RALA: variants seen among roughly 807,000 people sequenced by gnomAD.
The protein encoded by RALA is ras-related protein Ral-A.
In RALA, 5 loss-of-function variants were observed where a neutral mutation model predicts 24.0. That is an observed-to-expected ratio of 0.21 (90% CI 0.11 to 0.44). The LOEUF is 0.44. Ranked by LOEUF, RALA falls within the 20% of genes least tolerant of loss-of-function variation. The pLI is 0.99. For synonymous variants in RALA, 77 were observed against 83.8 expected (o/e 0.92, Z 0.44); for missense variants, 95 against 241.2 (o/e 0.39, Z 4.01).
chr7:39,656,153 A>G (rs1792092830), intron 1 of RALA, among the ~76,000 whole-genome samples: 3 of 152,216 alleles, frequency 2.0e-5, no homozygotes, highest in Admixed American at 6.5e-5. Context: ...CAAGCCTTGT[A>G]CATTATAGTT....
At chr7:39,646,336 T>C (rs1791922243) in intron 1 of RALA, among the ~76,000 whole-genome samples, 1 of 151,926 alleles carries the variant, frequency 6.6e-6, no homozygotes, top group Admixed American at 6.6e-5. Flanking sequence ...AAGCCCACTT[T>C]TAAATTAGAT....
intron 1 of RALA, among the ~76,000 whole-genome samples, chr7:39,635,183 A>G (rs1185134490): frequency 6.6e-6 from 1 of 152,140 alleles, no homozygotes; most frequent in African/African-American, 2.4e-5. Context: ...AAAAATAGAA[A>G]AAAATTAGCC....
intron 4 of RALA, among the ~76,000 whole-genome samples, chr7:39,697,723 C>T (rs926405476): frequency 6.6e-6 from 1 of 152,072 alleles, no homozygotes; most frequent in African/African-American, 2.4e-5. Context: ...GCTGCATGTG[C>T]TTGTAGATTT....
At chr7:39,651,447 C>G (rs1792017084) in intron 1 of RALA, among the ~76,000 whole-genome samples, 1 of 152,214 alleles carries the variant, frequency 6.6e-6, no homozygotes. Context: ...CACACTGATC[C>G]ACTTGAGTGT....
intron 1 of RALA, among the ~76,000 whole-genome samples, chr7:39,627,534 G>T (rs1791514323): frequency 6.6e-6 from 1 of 152,144 alleles, no homozygotes; most frequent in Non-Finnish European, 1.5e-5. Flanking sequence ...TGTTATTTTG[G>T]ACAATAAGAC....
chr7:39,629,318 G>A (rs1214547679), intron 1 of RALA, among the ~76,000 whole-genome samples: 3 of 152,146 alleles, frequency 2.0e-5, no homozygotes, highest in African/African-American at 7.2e-5. Flanking sequence ...TTTTCCATTT[G>A]TACTTCTATT....
rs150215514 is a variant in RALA at position 39,682,008 on chromosome 7, C to G, written c.-37-4623C>G. 2.4e-3 allele frequency among the ~76,000 whole-genome samples: 370 copies of G among 152,316 alleles called. 2 individuals are homozygous for G. Among genetic ancestry groups the G allele is most frequent in the African/African-American group, 8.7e-3 (360 of 41,584 alleles). ...CCAGTCAATCAGGAAGTCCTATCAA[C>G]TGTTTCTTCAAAATGTATTCCAAAT... On this transcript the variant is annotated intron_variant, in intron 1 of 4. Transcript: ENST00000005257.
chr7:39,630,210 A>AT lies in RALA; in HGVS notation c.-38+6407dup, dbSNP rs57399698. Among the ~76,000 whole-genome samples, 584 of 100,920 alleles carry AT rather than the reference A, an allele frequency of 5.8e-3. 6 individuals carry two copies. Among genetic ancestry groups the AT allele is most frequent in the East Asian group, 8.8e-3 (30 of 3,400 alleles). 66.2% of individuals were successfully genotyped at this position (100,920 alleles called of 152,430 possible). On this transcript the variant is annotated intron_variant, in intron 1 of 4. Transcript: ENST00000005257. ...AGGTGCATGCCACCATGCCTTGCTA[A>AT]TTTTTTTTTTTTTTTTTTTTTTGTC...
At chr7:39,636,263 T>G (rs1791682700) in intron 1 of RALA, among the ~76,000 whole-genome samples, 1 of 152,180 alleles carries the variant, frequency 6.6e-6, no homozygotes, top group African/African-American at 2.4e-5. Flanking sequence ...AACTCCCATG[T>G]TTAACATTTT....
chr7:39,693,474 G>A (rs753805001), intron 3 of RALA, among the ~76,000 whole-genome samples: 8 of 152,172 alleles, frequency 5.3e-5, no homozygotes, highest in South Asian at 2.1e-4. Context: ...TGTAAATGAC[G>A]AGTTGATGGG....
intron 1 of RALA, among the ~76,000 whole-genome samples, chr7:39,658,701 T>TA (rs1397618578): frequency 6.6e-6 from 1 of 152,136 alleles, no homozygotes; most frequent in Non-Finnish European, 1.5e-5. Context: ...TACTCCTGGT[T>TA]AAAAACACCT....
chr7:39,652,408 G>A (rs1462926154), intron 1 of RALA, among the ~76,000 whole-genome samples: 1 of 152,156 alleles, frequency 6.6e-6, no homozygotes, highest in African/African-American at 2.4e-5. Flanking sequence ...ATAATTGTAG[G>A]TATAAGTTTT....
chr7:39,702,948 T>C (rs533031566), intron 4 of RALA: 3 of 152,236 alleles, frequency 2.0e-5, no homozygotes, highest in Non-Finnish European at 2.9e-5. Flanking sequence ...TGTAGATGAC[T>C]ATACTTAACA....
At chr7:39,691,042 C>T (rs1219219601) in intron 3 of RALA, among the ~76,000 whole-genome samples, 1 of 152,194 alleles carries the variant, frequency 6.6e-6, no homozygotes, top group Admixed American at 6.5e-5. Flanking sequence ...ATAGCACAGA[C>T]TGAATTTTTT....
chr7:39,692,027 A>C (rs1792826019), intron 3 of RALA, among the ~76,000 whole-genome samples: 1 of 152,230 alleles, frequency 6.6e-6, no homozygotes, highest in South Asian at 2.1e-4. Context: ...CATTACTCTT[A>C]GGGCGTACCT....
At position 39,706,106 on chromosome 7, in the gene RALA, A is replaced by G. The variant is rs1057447925; in HGVS notation, c.499-17A>G. On this transcript the variant is annotated splice_polypyrimidine_tract_variant and intron_variant, in intron 4 of 4. Coordinates refer to ENST00000005257, the MANE Select transcript of RALA (RefSeq NM_005402.4). ...TGTATCTGTTTGCTTTATTTATCCT[A>G]TTTTTTTTCTTTCTAGGTATTTTTT... 2.5e-6 allele frequency: 4 copies of G among 1,587,404 alleles called. No homozygotes were observed. Among genetic ancestry groups the G allele is most frequent in the Non-Finnish European group, 3.4e-6 (4 of 1,164,530 alleles).
At chr7:39,671,193 A>G (rs73387350) in intron 1 of RALA, among the ~76,000 whole-genome samples, 4,545 of 151,422 alleles carry the variant, frequency 0.03, 243 homozygotes, top group African/African-American at 0.1. Context: ...TTTTTTTAAA[A>G]CTCCTGGTGC....
At chr7:39,647,483 AT>A (rs1211894257) in intron 1 of RALA, among the ~76,000 whole-genome samples, 1 of 152,218 alleles carries the variant, frequency 6.6e-6, no homozygotes, top group Middle Eastern at 3.2e-3. Flanking sequence ...TGTTGGAAAC[AT>A]TTGAAACAAT....
chr7:39,633,202 G>A (rs1791626079), intron 1 of RALA, among the ~76,000 whole-genome samples: 1 of 152,170 alleles, frequency 6.6e-6, no homozygotes, highest in Non-Finnish European at 1.5e-5. Context: ...TGGATTTCTA[G>A]ATCATATAGC....
Sources: allele counts gnomAD v4.1 joint callset (sites outside exome capture counted in the v4.1 genomes callset), GRCh38; gene constraint gnomAD v4.1.1; transcripts MANE v1.5; gene names NCBI Gene and HGNC (gene_info 2026-07-23, HGNC 2026-07-21).